Variants in CSPP1 observed in about 807,000 individuals in gnomAD.
CSPP1 encodes centrosome and spindle pole associated protein 1, also known as centrosome and spindle pole-associated protein 1.
A neutral mutation model predicts 164.4 loss-of-function variants in CSPP1; 126 were observed. That is an observed-to-expected ratio of 0.77 (90% CI 0.66 to 0.89). CSPP1 has a LOEUF of 0.89. Ranked by LOEUF, CSPP1 falls within the 40% of genes least tolerant of loss-of-function variation. CSPP1 has a pLI of 0.00. For synonymous variants in CSPP1, 472 were observed against 476.7 expected (o/e 0.99, Z 0.13); for missense variants, 1,395 against 1,449.8 (o/e 0.96, Z 0.61).
chr8:67,127,035 C>T (rs1426350189), intron 15 of CSPP1, among the ~76,000 whole-genome samples: 3 of 151,808 alleles, frequency 2.0e-5, no homozygotes, highest in Admixed American at 6.6e-5. Flanking sequence ...CTGGTTTTCA[C>T]AGCAACTGTC....
At chr8:67,130,640 G>A (rs1049485987) in intron 15 of CSPP1, among the ~76,000 whole-genome samples, 1 of 152,132 alleles carries the variant, frequency 6.6e-6, no homozygotes, top group African/African-American at 2.4e-5. Context: ...AATACACAAT[G>A]GAACTCATTT....
chr8:67,155,736 C>T (rs1826543612), intron 19 of CSPP1, among the ~76,000 whole-genome samples: 1 of 152,002 alleles, frequency 6.6e-6, no homozygotes, highest in Admixed American at 6.6e-5. Flanking sequence ...TGCAGTGAGC[C>T]AAGATATGCC....
chr8:67,069,218 C>T (rs1240483168), intron 1 of CSPP1: 1 of 152,110 alleles, frequency 6.6e-6, no homozygotes, highest in African/African-American at 2.4e-5. Context: ...AGATCATTAC[C>T]AGGAGAAAGC....
At chr8:67,094,272 T>C (rs1046187349) in intron 6 of CSPP1, among the ~76,000 whole-genome samples, 7 of 111,650 alleles carry the variant, frequency 6.3e-5, no homozygotes, top group Non-Finnish European at 1.3e-4. Flanking sequence ...TTATCCTCTC[T>C]TTTTTTTTTT....
At chr8:67,122,271 A>G (rs1819125043) in intron 15 of CSPP1, among the ~76,000 whole-genome samples, 1 of 150,034 alleles carries the variant, frequency 6.7e-6, no homozygotes, top group East Asian at 2.0e-4. Context: ...CCTTCTGCTT[A>G]CTTTGGGTTC....
intron 21 of CSPP1, among the ~76,000 whole-genome samples, chr8:67,159,924 C>CTTTCTCTTT (rs1420951665): frequency 2.2e-5 from 1 of 45,574 alleles, no homozygotes; most frequent in African/African-American, 1.1e-4. Flanking sequence ...TTCTTTCTTT[C>CTTTCTCTTT]CTTTCCTTCC....
intron 17 of CSPP1, among the ~76,000 whole-genome samples, chr8:67,148,159 TCCA>T (rs1243040482): frequency 6.6e-6 from 1 of 152,062 alleles, no homozygotes; most frequent in Non-Finnish European, 1.5e-5. Context: ...GCTCAAGTAA[TCCA>T]CCCTCTTTGG....
rs559174681 is a variant in CSPP1, at chr8:67,164,769, G to A, written c.2828+261G>A. On this transcript the variant is annotated intron_variant, in intron 24 of 30. Transcript: ENST00000678616. ...GTTTTTTATATTTTCCATTAATAACGTAGCTTTCTGAAATACTTTTTTTCA... is the reference window on the plus strand; with the variant it reads ...GTTTTTTATATTTTCCATTAATAACATAGCTTTCTGAAATACTTTTTTTCA... 6.6e-5 allele frequency among the ~76,000 whole-genome samples: 10 copies of A among 152,254 alleles called. No individual in the cohort carries two copies. In the South Asian group the frequency reaches 1.7e-3, roughly 25 times the overall value.
chr8:67,098,111 A>T (rs1470004830), intron 7 of CSPP1, among the ~76,000 whole-genome samples: 1 of 151,082 alleles, frequency 6.6e-6, no homozygotes, highest in African/African-American at 2.4e-5. Flanking sequence ...AGGAGAAATG[A>T]CTGTATTTGT....
chr8:67,115,833 G>C lies in CSPP1; in HGVS notation c.1288-81G>C. 15 of 948,880 alleles carry C rather than the reference G, an allele frequency of 1.6e-5. No individual in the cohort carries two copies. The South Asian group carries it at 1.8e-4, about 12-fold the overall frequency. The allele number at this position is 948,880 out of a possible 1,614,324, so 58.8% of individuals were successfully genotyped here. ...CTGTGACTGTCTTAAGTGCCTGCTGGGATAGGAGGTCTTTTGAGGTCCCTT... is the reference window on the plus strand; with the variant it reads ...CTGTGACTGTCTTAAGTGCCTGCTGCGATAGGAGGTCTTTTGAGGTCCCTT... On this transcript the variant is annotated intron_variant, in intron 12 of 30. Coordinates refer to ENST00000678616, the MANE Select transcript of CSPP1 (RefSeq NM_001382391.1).
At chr8:67,095,235 C>T in intron 6 of CSPP1, 58 bp from the exon 7 acceptor site, 2 of 1,114,122 alleles carry the variant, frequency 1.8e-6, no homozygotes, top group African/African-American at 1.6e-5. Context: ...GTTTAATTAC[C>T]TTATAAGAGA....
chr8:67,160,991 TA>T (rs1163848440), intron 21 of CSPP1, among the ~76,000 whole-genome samples: 1 of 152,050 alleles, frequency 6.6e-6, no homozygotes, highest in Non-Finnish European at 1.5e-5. Flanking sequence ...CACACCTGGC[TA>T]ATTTTTATTA....
chr8:67,187,548 G>C (rs1348324072), intron 28 of CSPP1, among the ~76,000 whole-genome samples: 1 of 152,000 alleles, frequency 6.6e-6, no homozygotes, highest in East Asian at 1.9e-4. Context: ...AGCCGATGTG[G>C]TGGCACACAC....
chr8:67,070,891 C>A (rs60752477), intron 1 of CSPP1, among the ~76,000 whole-genome samples: 7 of 151,522 alleles, frequency 4.6e-5, no homozygotes, highest in African/African-American at 1.7e-4. Flanking sequence ...ATAGCTGGGA[C>A]TACAGGATGC....
At chr8:67,147,099 G>T (rs1586508167) in intron 17 of CSPP1, among the ~76,000 whole-genome samples, 1 of 152,262 alleles carries the variant, frequency 6.6e-6, no homozygotes, top group South Asian at 2.1e-4. Context: ...ATATAAATAT[G>T]TTGAATATTA....
At chr8:67,087,137 C>G (rs893097745) in intron 4 of CSPP1, among the ~76,000 whole-genome samples, 19 of 142,254 alleles carry the variant, frequency 1.3e-4, no homozygotes, top group Non-Finnish European at 2.4e-4. Context: ...GCAGTTAAGT[C>G]TGTTTTCAGC....
At chr8:67,184,978 C>T (rs1429244934) in intron 28 of CSPP1, among the ~76,000 whole-genome samples, 1 of 146,150 alleles carries the variant, frequency 6.8e-6, no homozygotes, top group Non-Finnish European at 1.5e-5. Flanking sequence ...GTGGTGGGCA[C>T]CTATAAGTCC....
rs376956242 is a variant in CSPP1 at position 67,084,581 on chromosome 8, A to C, written c.200-1426A>C. Among the ~76,000 whole-genome samples the C allele has an allele frequency of 3.3e-5, 5 of 152,204 alleles. No homozygotes were observed. In the East Asian group the frequency reaches 5.8e-4, roughly 18 times the overall value. ...TATAGTGCTCATAGCTGAATCTTTA[A>C]GGAAAGTTTTGGCCAGGCGTGGTGG... On this transcript the variant is annotated intron_variant, in intron 3 of 30. Coordinates refer to ENST00000678616, the MANE Select transcript of CSPP1 (RefSeq NM_001382391.1).
At chr8:67,072,225 G>A (rs969068436) in intron 1 of CSPP1, among the ~76,000 whole-genome samples, 17 of 151,946 alleles carry the variant, frequency 1.1e-4, no homozygotes, top group African/African-American at 4.1e-4. Context: ...CCCAAGAGGC[G>A]GAGGCTGCAG....
Sources: allele counts gnomAD v4.1 joint callset (sites outside exome capture counted in the v4.1 genomes callset), GRCh38; gene constraint gnomAD v4.1.1; transcripts MANE v1.5; gene names NCBI Gene and HGNC (gene_info 2026-07-23, HGNC 2026-07-21).